LRRTM3: variants seen among roughly 807,000 people sequenced by gnomAD.
The protein encoded by LRRTM3 is leucine rich repeat transmembrane neuronal 3.
LRRTM3 carries 24 observed loss-of-function variants against 44.7 expected under a neutral mutation model. The observed-to-expected ratio is 0.54, with a 90% CI of 0.39 to 0.76. LRRTM3 has a LOEUF of 0.76. Ranked by LOEUF, LRRTM3 falls within the 30% of genes least tolerant of loss-of-function variation. The probability of loss-of-function intolerance (pLI) is 0.00; values close to 1 mark genes in which losing one functional copy is unlikely to be tolerated. For missense variants in LRRTM3, 587 were observed against 702.2 expected, an observed-to-expected ratio of 0.84 and a Z score of 1.85; for synonymous variants, 277 against 278.7, an observed-to-expected ratio of 0.99 and a Z score of 0.06.
At chr10:66,999,413 A>G (rs1414778717) in intron 2 of LRRTM3, among the ~76,000 whole-genome samples, 1 of 152,176 alleles carries the variant, frequency 6.6e-6, no homozygotes, top group African/African-American at 2.4e-5. Context: ...TAAGCATCTA[A>G]TAATTAAATT....
intron 2 of LRRTM3, among the ~76,000 whole-genome samples, chr10:66,990,849 A>T (rs1851001316): frequency 1.3e-5 from 2 of 152,202 alleles, no homozygotes; most frequent in Non-Finnish European, 1.5e-5. Context: ...TTTCACTAGT[A>T]TCATGGGCAT....
intron 2 of LRRTM3, among the ~76,000 whole-genome samples, chr10:66,932,562 A>G (rs1315783198): frequency 6.6e-6 from 1 of 152,188 alleles, no homozygotes; most frequent in Non-Finnish European, 1.5e-5. Flanking sequence ...TACCTACACT[A>G]AAAATCAGAG....
At chr10:67,048,740 G>A (rs763731469) in intron 2 of LRRTM3, among the ~76,000 whole-genome samples, 1 of 151,978 alleles carries the variant, frequency 6.6e-6, no homozygotes, top group Admixed American at 6.6e-5. Flanking sequence ...AGCAAAGTGA[G>A]GTAGACAACA....
intron 2 of LRRTM3, among the ~76,000 whole-genome samples, chr10:66,977,379 T>C (rs1223504170): frequency 6.6e-6 from 1 of 151,286 alleles, no homozygotes; most frequent in Non-Finnish European, 1.5e-5. Flanking sequence ...GAGGTTGCAG[T>C]GAGCCAAGAT....
At chr10:67,005,002 C>T (rs532776341) in intron 2 of LRRTM3, among the ~76,000 whole-genome samples, 8 of 152,112 alleles carry the variant, frequency 5.3e-5, no homozygotes, top group Non-Finnish European at 1.2e-4. Context: ...ACTCGCCAAA[C>T]CCTCAAGGTA....
chr10:66,941,993 G>T (rs1848021013), intron 2 of LRRTM3, among the ~76,000 whole-genome samples: 1 of 152,126 alleles, frequency 6.6e-6, no homozygotes, highest in African/African-American at 2.4e-5. Flanking sequence ...GAATCCACTA[G>T]ACCTGAAGTT....
rs771611080 is a variant in LRRTM3 at position 66,927,717 on chromosome 10, T to C, written c.801T>C (p.Ala267=). The C allele has an allele frequency of 1.2e-6, 2 of 1,614,206 alleles. No homozygotes were observed. The highest frequency in any genetic ancestry group is 1.7e-6 in the Non-Finnish European group (2 of 1,180,044). The change falls in exon 2 of 3, where the codon GCT becomes GCC. Residue 267 remains alanine, a synonymous_variant. Transcript: ENST00000361320. The surrounding 1 kb of genome is among the most constrained non-coding windows in gnomAD (Gnocchi z 4.7). ...ATTTATCAGGCAATGAGATCGAAGC[T>C]TTCAGTGGACCCAGTGTTTTCCAGT... The part of the protein sequence containing the change: ...RLDLSGNEIE[A]FSGPSVFQCV...
chr10:66,984,202 T>C (rs1850602130), intron 2 of LRRTM3, among the ~76,000 whole-genome samples: 1 of 152,094 alleles, frequency 6.6e-6, no homozygotes, highest in African/African-American at 2.4e-5. Context: ...GAAATGAAAA[T>C]ATTTCAACGA....
chr10:67,086,746 A>T (rs1193822964), intron 2 of LRRTM3, among the ~76,000 whole-genome samples: 1 of 152,012 alleles, frequency 6.6e-6, no homozygotes, highest in African/African-American at 2.4e-5. Flanking sequence ...CCTATCAGTC[A>T]TAGATATGGA....
rs61615069 is a variant in LRRTM3 at position 66,984,456 on chromosome 10, A to T, written c.1536+56004A>T. On this transcript the variant is annotated intron_variant, in intron 2 of 2. Coordinates refer to ENST00000361320, the MANE Select transcript of LRRTM3 (RefSeq NM_178011.5). ...GACCAAATGTAAATATGAGAGAAAG[A>T]GTAATTACTAGAAGTAACACTAAGG... is the stretch of plus-strand genomic sequence containing the variant. Among the ~76,000 whole-genome samples the T allele has an allele frequency of 6.2e-3, 950 of 152,312 alleles. 9 individuals carry two copies. The highest frequency in any genetic ancestry group is 0.022 in the African/African-American group (907 of 41,580).
chr10:66,933,029 T>A (rs2132648101), intron 2 of LRRTM3, among the ~76,000 whole-genome samples: 1 of 152,340 alleles, frequency 6.6e-6, no homozygotes, highest in East Asian at 1.9e-4. Flanking sequence ...TATTGACTGC[T>A]CATGGTAATT....
intron 2 of LRRTM3, among the ~76,000 whole-genome samples, chr10:67,044,615 T>C (rs909968678): frequency 6.6e-6 from 1 of 152,186 alleles, no homozygotes; most frequent in Non-Finnish European, 1.5e-5. Flanking sequence ...CTTATTCTGA[T>C]TGACACAGCT....
At chr10:66,985,611 G>A (rs1267872512) in intron 2 of LRRTM3, among the ~76,000 whole-genome samples, 3 of 152,090 alleles carry the variant, frequency 2.0e-5, no homozygotes, top group Non-Finnish European at 2.9e-5. Context: ...CTTCTGGAGT[G>A]GAAAGCAGAA....
At chr10:66,978,318 G>A (rs922940240) in intron 2 of LRRTM3, among the ~76,000 whole-genome samples, 5 of 151,612 alleles carry the variant, frequency 3.3e-5, no homozygotes, top group African/African-American at 1.2e-4. Context: ...TTGAGGTCAG[G>A]AGTTCGAGAC....
intron 2 of LRRTM3, among the ~76,000 whole-genome samples, chr10:67,052,357 T>C: frequency 6.7e-6 from 1 of 148,390 alleles, no homozygotes; most frequent in Admixed American, 6.7e-5. Context: ...TCTCTCTCAT[T>C]AAAAGCACTA....
At chr10:67,009,645 A>G (rs1852203621) in intron 2 of LRRTM3, among the ~76,000 whole-genome samples, 1 of 151,836 alleles carries the variant, frequency 6.6e-6, no homozygotes, top group African/African-American at 2.4e-5. Context: ...ATTTTTTTAT[A>G]CAGCTCTTTG....
At chr10:67,002,873 T>A (rs1328533151) in intron 2 of LRRTM3, among the ~76,000 whole-genome samples, 4 of 152,188 alleles carry the variant, frequency 2.6e-5, no homozygotes, top group Non-Finnish European at 5.9e-5. Flanking sequence ...TAAACTAGAC[T>A]AGGAAAGGAT....
At chr10:67,018,480 C>T (rs1350230979) in intron 2 of LRRTM3, among the ~76,000 whole-genome samples, 1 of 152,174 alleles carries the variant, frequency 6.6e-6, no homozygotes, top group Admixed American at 6.5e-5. Flanking sequence ...CATAAAAAAT[C>T]TAGTACAACT....
chr10:66,957,428 G>T, intron 2 of LRRTM3, among the ~76,000 whole-genome samples: 1 of 24,238 alleles, frequency 4.1e-5, no homozygotes, highest in Non-Finnish European at 7.0e-5. Context: ...ATATATATAT[G>T]CATATATATA....
Sources: gnomAD v4.1 joint callset for allele counts (sites outside exome capture counted in the v4.1 genomes callset) on GRCh38, gnomAD v4.1.1 for gene constraint, Gnocchi (gnomAD v3.1) non-coding constraint, MANE v1.5 for transcripts, NCBI Gene and HGNC (gene_info 2026-07-23, HGNC 2026-07-21) for gene names.